The following TRAM1 variants were observed in gnomAD, a reference collection of about 807,000 sequenced individuals.
TRAM1 encodes translocating chain-associated membrane protein 1.
A neutral mutation model predicts 48.7 loss-of-function variants in TRAM1; 17 were observed. The ratio of observed to expected loss-of-function variants is 0.35; its 90% CI spans 0.24 to 0.52. TRAM1 has a LOEUF of 0.52. Among genes scored for constraint, TRAM1 ranks in the 20% least tolerant of loss-of-function variants. The pLI is 0.94. For synonymous variants in TRAM1, 182 were observed against 154.0 expected (o/e 1.18, Z -1.34); for missense variants, 351 against 441.5 (o/e 0.79, Z 1.84).
At chr8:70,575,138 T>C (rs1440677832) in intron 10 of TRAM1, 133 bp from the exon 11 acceptor site, 3 of 586,120 alleles carry the variant, frequency 5.1e-6, no homozygotes, top group Non-Finnish European at 5.6e-6. Context: ...TTACCAGTAT[T>C]TAACCAATCA....
At chr8:70,602,111 G>C (rs1040820324) in intron 1 of TRAM1, among the ~76,000 whole-genome samples, 1 of 152,074 alleles carries the variant, frequency 6.6e-6, no homozygotes, top group South Asian at 2.1e-4. Context: ...AAGCCAAAGG[G>C]GAAACATTTC....
chr8:70,603,581 G>A (rs1005463634), intron 1 of TRAM1, among the ~76,000 whole-genome samples: 2 of 152,116 alleles, frequency 1.3e-5, no homozygotes, highest in East Asian at 3.9e-4. Flanking sequence ...GCTGGGCATC[G>A]TGGCGGGAGC....
At chr8:70,577,501 T>C (rs1433530740) in intron 10 of TRAM1, among the ~76,000 whole-genome samples, 4 of 152,226 alleles carry the variant, frequency 2.6e-5, no homozygotes, top group African/African-American at 9.6e-5. Context: ...GATGAGACTG[T>C]GGATAGGAGC....
At chr8:70,592,193 A>C (rs1817380707) in intron 6 of TRAM1, among the ~76,000 whole-genome samples, 1 of 152,164 alleles carries the variant, frequency 6.6e-6, no homozygotes, top group South Asian at 2.1e-4. Flanking sequence ...TCATGGGCAA[A>C]ATGGAGAACT....
At chr8:70,587,386 A>G (rs776797354) in intron 6 of TRAM1, 10 of 510,708 alleles carry the variant, frequency 2.0e-5, no homozygotes, top group Middle Eastern at 5.1e-4. Context: ...TGAAAAATGT[A>G]GAAGTAGGAG....
intron 5 of TRAM1, among the ~76,000 whole-genome samples, chr8:70,595,575 C>T (rs186470603): frequency 3.9e-5 from 6 of 152,110 alleles, no homozygotes; most frequent in East Asian, 1.9e-4. Context: ...TAGTTTTTAC[C>T]GCTACCAAGG....
chr8:70,576,983 G>A (rs971119162), intron 10 of TRAM1, among the ~76,000 whole-genome samples: 3 of 152,194 alleles, frequency 2.0e-5, no homozygotes, highest in African/African-American at 7.2e-5. Flanking sequence ...TGATATGCCT[G>A]CTCAGGGAGC....
At chr8:70,594,405 T>C (rs1817439461) in intron 6 of TRAM1, 101 bp downstream of exon 6, 3 of 775,682 alleles carry the variant, frequency 3.9e-6, no homozygotes, top group South Asian at 4.4e-5. Context: ...GTAAGAAGAA[T>C]GGAGGAAGGG....
intron 1 of TRAM1, among the ~76,000 whole-genome samples, chr8:70,606,441 C>T (rs1563393129): frequency 6.6e-6 from 1 of 152,224 alleles, no homozygotes; most frequent in Admixed American, 6.5e-5. Context: ...AGTGATTCTC[C>T]TGCCTTGGCC....
intron 1 of TRAM1, 72 bp downstream of exon 1, chr8:70,608,005 G>A (rs1817788931): frequency 2.7e-6 from 4 of 1,472,676 alleles, no homozygotes; most frequent in Non-Finnish European, 3.6e-6. Flanking sequence ...GGAGAAGCCG[G>A]GGCTGGCATC....
chr8:70,600,008 A>C lies in TRAM1; in HGVS notation c.187+11T>G. 1.2e-6 allele frequency: 2 copies of C among 1,611,284 alleles called. No individual in the cohort carries two copies. Among genetic ancestry groups the C allele is most frequent in the Middle Eastern group, 3.3e-4 (2 of 6,042 alleles). ...TATTTACGTAGAAAATTCTTAGCGT[A>C]AATTACCTACCTGTTGCTGGGAGGG... On this transcript the variant is annotated intron_variant, in intron 2 of 10. Transcript: ENST00000262213.
intron 1 of TRAM1, among the ~76,000 whole-genome samples, chr8:70,600,786 G>T (rs1345749462): frequency 6.6e-6 from 1 of 151,624 alleles, no homozygotes; most frequent in Non-Finnish European, 1.5e-5. Context: ...GATAAACAAT[G>T]AGCTTTGTTG....
intron 8 of TRAM1, among the ~76,000 whole-genome samples, chr8:70,585,405 CA>C (rs1314300613): frequency 3.3e-5 from 5 of 152,092 alleles, no homozygotes; most frequent in Middle Eastern, 3.4e-3. Flanking sequence ...GCAATGGCAA[CA>C]AAAGCCAAAA....
At chr8:70,606,871 A>G in intron 1 of TRAM1, 1 of 983,124 alleles carries the variant, frequency 1.0e-6, no homozygotes, top group East Asian at 1.1e-4. Flanking sequence ...AAGAAAATGT[A>G]TTCACCTTTT....
intron 5 of TRAM1, 93 bp from the exon 6 acceptor site, chr8:70,594,683 A>C: frequency 1.0e-6 from 1 of 967,740 alleles, no homozygotes. Flanking sequence ...ATACTAAGTA[A>C]CTACCTTTGT....
chr8:70,599,761 GAGA>G (rs1366389923), intron 2 of TRAM1, among the ~76,000 whole-genome samples: 2 of 152,148 alleles, frequency 1.3e-5, no homozygotes, highest in African/African-American at 4.8e-5. Context: ...TCAGAAAGCA[GAGA>G]AAGCAAAACA....
chr8:70,597,852 T>C (rs1817523881), intron 4 of TRAM1, 43 bp downstream of exon 4: 1 of 1,426,890 alleles, frequency 7.0e-7, no homozygotes. Context: ...GTTTCTAATC[T>C]TAGATAAGGA....
At chr8:70,596,871 G>T (rs1441630639) in intron 4 of TRAM1, among the ~76,000 whole-genome samples, 8 of 149,550 alleles carry the variant, frequency 5.3e-5, no homozygotes, top group African/African-American at 2.0e-4. Flanking sequence ...AGTGATTTTT[G>T]TAAGAGTATT....
rs1817798346 is a variant in TRAM1, at chr8:70,608,274, C to T, written c.-75G>A. On this transcript the variant is annotated 5_prime_UTR_variant, in exon 1 of 11. Coordinates refer to ENST00000262213, the MANE Select transcript of TRAM1 (RefSeq NM_014294.6). ...TCCCAGCTGCTCACCGACTCGCCGC[C>T]GCCTCCCGCTGGCTGCTCCTCACGG... is the stretch of plus-strand genomic sequence containing the variant. The T allele has an allele frequency of 6.8e-7, 1 of 1,476,344 alleles. No individual in the cohort carries two copies. Among genetic ancestry groups the T allele is most frequent in the Non-Finnish European group, 9.0e-7 (1 of 1,116,056 alleles). The allele number at this position is 1,476,344 out of a possible 1,614,324, so 91.5% of individuals were successfully genotyped here. A position where few individuals can be genotyped will look rare whatever the true frequency, so the allele number is the denominator to read the frequency against.
Sources: allele counts gnomAD v4.1 joint callset (sites outside exome capture counted in the v4.1 genomes callset), GRCh38; gene constraint gnomAD v4.1.1; transcripts MANE v1.5; gene names NCBI Gene and HGNC (gene_info 2026-07-23, HGNC 2026-07-21).